The following SYNE1 variants were observed in gnomAD, a reference collection of about 807,000 sequenced individuals.
The protein encoded by SYNE1 is spectrin repeat containing nuclear envelope protein 1, also known as nesprin-1.
Under a neutral mutation model 1,111.0 loss-of-function variants are expected in SYNE1, and 616 were observed. That is an observed-to-expected ratio of 0.55 (90% CI 0.52 to 0.59). The LOEUF is 0.59. Ranked by LOEUF, SYNE1 falls within the 20% of genes least tolerant of loss-of-function variation. The probability of loss-of-function intolerance (pLI) is 0.00; values close to 1 mark genes in which losing one functional copy is unlikely to be tolerated. For synonymous variants in SYNE1, 3,855 were observed against 3,825.8 expected, an observed-to-expected ratio of 1.01 and a Z score of -0.28; for missense variants, 10,006 against 10,417.0, an observed-to-expected ratio of 0.96 and a Z score of 1.72.
chr6:152,175,852 T>C (rs149989779), intron 130 of SYNE1, among the ~76,000 whole-genome samples: 159 of 152,294 alleles, frequency 1.0e-3, no homozygotes, highest in African/African-American at 3.6e-3. Flanking sequence ...AGAAAGTGAA[T>C]GTAATATTCT....
intron 79 of SYNE1, 41 bp downstream of exon 79, chr6:152,326,255 T>C (rs369167470): frequency 4.3e-6 from 7 of 1,613,446 alleles, no homozygotes; most frequent in Admixed American, 1.7e-5. Context: ...GTGTGGAAAT[T>C]CATTTCACTA....
At chr6:152,569,581 C>T (rs1375511689) in intron 3 of SYNE1, among the ~76,000 whole-genome samples, 2 of 151,968 alleles carry the variant, frequency 1.3e-5, no homozygotes, top group Non-Finnish European at 2.9e-5. Flanking sequence ...GAAATGACAA[C>T]TAGATTTGCA....
intron 48 of SYNE1, 23 bp downstream of exon 48, chr6:152,399,593 T>A: frequency 6.2e-7 from 1 of 1,613,656 alleles, no homozygotes; most frequent in Non-Finnish European, 8.5e-7. Flanking sequence ...AAACTACTCA[T>A]GCTAAGGCCC....
chr6:152,477,965 C>T (rs1380303018), intron 14 of SYNE1, among the ~76,000 whole-genome samples: 1 of 152,130 alleles, frequency 6.6e-6, no homozygotes, highest in African/African-American at 2.4e-5. Flanking sequence ...CAGAGTCTCG[C>T]TTTGTTGGCC....
At chr6:152,143,225 G>T (rs974485780) in intron 138 of SYNE1, among the ~76,000 whole-genome samples, 1 of 152,116 alleles carries the variant, frequency 6.6e-6, no homozygotes, top group East Asian at 1.9e-4. Context: ...CCCAGGAAAA[G>T]AACTACCAAA....
intron 4 of SYNE1, among the ~76,000 whole-genome samples, chr6:152,530,648 G>A (rs1473357618): frequency 6.8e-6 from 1 of 147,684 alleles, no homozygotes; most frequent in Non-Finnish European, 1.5e-5. Context: ...TTGAGACGGA[G>A]TCTTGCTCTG....
rs770605182 is a variant in SYNE1 at position 152,352,038 on chromosome 6, A to G, written c.11569T>C (p.Ser3857Pro). Residue 3857 changes from serine (S) to proline (P), a missense_variant, in exon 70 of 146, where the codon TCT becomes CCT. Physicochemically the swap from Ser to Pro is moderately conservative, Grantham distance 74. Transcript: ENST00000367255. ...MELYEKKAQL[S>P]KYKSLQQTVL... Reference sequence around the variant, plus strand: ...AGTAAACACACTACCTTGTATTTAGATAACTGAGCTTTTTTCTCATATAAT... The same window carrying G: ...AGTAAACACACTACCTTGTATTTAGGTAACTGAGCTTTTTTCTCATATAAT... 1.2e-6 allele frequency: 2 copies of G among 1,614,094 alleles called. No homozygotes were observed. The highest frequency in any genetic ancestry group is 1.7e-6 in the Non-Finnish European group (2 of 1,180,026).
At chr6:152,574,125 A>G (rs914672201) in intron 3 of SYNE1, among the ~76,000 whole-genome samples, 1 of 146,628 alleles carries the variant, frequency 6.8e-6, no homozygotes, top group African/African-American at 2.7e-5. Flanking sequence ...CCAAATCTAC[A>G]GTTATGGAAT....
At position 152,550,509 on chromosome 6, in the gene SYNE1, A is replaced by G. The variant is rs184402240; in HGVS notation, c.68-10488T>C. ...CACTGGGTTGGCTTCTAGGGTGACA[A>G]CAATGTGGAAATGCTTTCATCTCAC... On this transcript the variant is annotated intron_variant, in intron 3 of 145. Transcript: ENST00000367255. Among the ~76,000 whole-genome samples the G allele has an allele frequency of 2.3e-3, 349 of 151,704 alleles. 1 individual carries two copies. The highest frequency in any genetic ancestry group is 0.01 in the Middle Eastern group (3 of 294).
intron 11 of SYNE1, among the ~76,000 whole-genome samples, chr6:152,494,189 T>C (rs1317044306): frequency 6.6e-6 from 1 of 152,182 alleles, no homozygotes; most frequent in Non-Finnish European, 1.5e-5. Context: ...CCATTTACTC[T>C]ACAGTTCCCA....
chr6:152,397,409 A>T (rs944176483), intron 49 of SYNE1, among the ~76,000 whole-genome samples: 1 of 152,064 alleles, frequency 6.6e-6, no homozygotes, highest in African/African-American at 2.4e-5. Context: ...TGGAAAATCT[A>T]TGCTTGGACA....
chr6:152,544,361 T>A (rs74710949), intron 3 of SYNE1, among the ~76,000 whole-genome samples: 4,581 of 152,236 alleles, frequency 0.03, 251 homozygotes, highest in African/African-American at 0.1. Context: ...CGTGTAACAT[T>A]AAAAGCAACA....
intron 114 of SYNE1, 83 bp from the exon 115 acceptor site, chr6:152,230,785 T>C: frequency 6.9e-7 from 1 of 1,449,356 alleles, no homozygotes; most frequent in Admixed American, 1.9e-5. Context: ...CTAGCCAGTA[T>C]TTTCTCCAAA....
At chr6:152,614,343 A>C (rs2099640176) in intron 3 of SYNE1, among the ~76,000 whole-genome samples, 1 of 152,234 alleles carries the variant, frequency 6.6e-6, no homozygotes, top group Non-Finnish European at 1.5e-5. Flanking sequence ...GACACTTTTC[A>C]AAAGAAGACA....
rs899508485 is a variant in SYNE1 at position 152,122,216 on chromosome 6, G to T, written c.*220C>A. ...TGCTAAGGTTCAGAGTCTCAAACCAGATTTCTTCCAAACCTTCTTGTTGTC... is the reference window on the plus strand; with the variant it reads ...TGCTAAGGTTCAGAGTCTCAAACCATATTTCTTCCAAACCTTCTTGTTGTC... On this transcript the variant is annotated 3_prime_UTR_variant, in exon 146 of 146. Transcript: ENST00000367255. 7.2e-6 allele frequency: 5 copies of T among 694,140 alleles called. No homozygotes were observed. The highest frequency in any genetic ancestry group is 1.2e-5 in the Non-Finnish European group (5 of 419,050). The allele number at this position is 694,140 out of a possible 1,614,324, so 43.0% of individuals were successfully genotyped here.
chr6:152,515,114 C>T (rs183153833), intron 6 of SYNE1, among the ~76,000 whole-genome samples: 130 of 151,394 alleles, frequency 8.6e-4, no homozygotes, highest in Non-Finnish European at 1.3e-3. Context: ...CCCAGCTACT[C>T]GGGAGGCTGA....
At chr6:152,202,007 G>A (rs768484943) in intron 126 of SYNE1, 58 bp from the exon 127 acceptor site, 1 of 1,591,752 alleles carries the variant, frequency 6.3e-7, no homozygotes, top group East Asian at 2.2e-5. Context: ...AACTGGGGGG[G>A]GAAAAGAAAA....
intron 3 of SYNE1, among the ~76,000 whole-genome samples, chr6:152,614,385 CTCA>C (rs1252218908): frequency 1.3e-5 from 2 of 152,168 alleles, no homozygotes; most frequent in East Asian, 3.8e-4. Context: ...TGAAAAAATG[CTCA>C]TCATCACTTG....
intron 105 of SYNE1, among the ~76,000 whole-genome samples, chr6:152,247,855 A>AACACACACAC (rs10592346): frequency 2.2e-5 from 2 of 89,898 alleles, no homozygotes; most frequent in African/African-American, 8.9e-5. Flanking sequence ...GGTGTTCTTT[A>AACACACACAC]ACACACACAC....
Sources: allele counts gnomAD v4.1 joint callset (sites outside exome capture counted in the v4.1 genomes callset), GRCh38; gene constraint gnomAD v4.1.1; transcripts MANE v1.5; gene names NCBI Gene and HGNC (gene_info 2026-07-23, HGNC 2026-07-21).